The following KCNT1 variants were observed in gnomAD, a reference collection of about 807,000 sequenced individuals.
KCNT1 encodes potassium channel subfamily T member 1.
A neutral mutation model predicts 147.8 loss-of-function variants in KCNT1; 78 were observed. The ratio of observed to expected loss-of-function variants is 0.53; its 90% CI spans 0.44 to 0.64. The LOEUF (loss-of-function observed/expected upper bound fraction) is 0.64, where lower values mean the gene tolerates loss of function less well. Ranked by LOEUF, KCNT1 falls within the 30% of genes least tolerant of loss-of-function variation. KCNT1 has a pLI of 0.00. For missense variants in KCNT1, 1,419 were observed against 1,750.3 expected (o/e 0.81, Z 3.38); for synonymous variants, 867 against 748.8 (o/e 1.16, Z -2.58).
In KCNT1 at chr9:135,784,803, C is replaced by T. The variant is rs554853844; in HGVS notation, c.3070C>T (p.Arg1024Cys). The T allele has an allele frequency of 1.7e-5, 27 of 1,612,802 alleles. No homozygotes were observed. Among genetic ancestry groups the T allele is most frequent in the African/African-American group, 5.3e-5 (4 of 75,032 alleles). The change falls in exon 27 of 31, where the codon CGC becomes TGC. Residue 1024 changes from arginine to cysteine, a missense_variant. Arg to Cys is a radical substitution (Grantham distance 180). This residue lies in a region of KCNT1 where 247 missense variants were observed against 397.1 expected (regional missense o/e 0.62). Transcript: ENST00000371757. ...CGACCTGTGGATCCGCACGTACGGC[C>T]GCCTCTTCCAGAAGCTCTGCTCCTC... Reference protein sequence around the residue: ...EGDLWIRTYGRLFQKLCSSSA... With the variant: ...EGDLWIRTYGCLFQKLCSSSA...
At chr9:135,720,188 A>G (rs912295825) in intron 2 of KCNT1, among the ~76,000 whole-genome samples, 1 of 151,862 alleles carries the variant, frequency 6.6e-6, no homozygotes, top group Non-Finnish European at 1.5e-5. Context: ...CACCCCTTCC[A>G]TTCACCCGAC....
intron 13 of KCNT1, among the ~76,000 whole-genome samples, chr9:135,767,143 T>C (rs1179731319): frequency 6.6e-6 from 1 of 152,140 alleles, no homozygotes; most frequent in African/African-American, 2.4e-5. Flanking sequence ...GGGTCTCTCC[T>C]CATCACTCCC....
intron 22 of KCNT1, 35 bp downstream of exon 22, chr9:135,778,530 C>T: frequency 6.2e-7 from 1 of 1,601,340 alleles, no homozygotes; most frequent in Non-Finnish European, 8.5e-7. Context: ...GTGGGGGCTC[C>T]ACACCCACCC....
At chr9:135,733,718 G>A (rs2131367856) in intron 2 of KCNT1, among the ~76,000 whole-genome samples, 1 of 147,948 alleles carries the variant, frequency 6.8e-6, no homozygotes, top group Non-Finnish European at 1.5e-5. Context: ...CTAGTTTGGG[G>A]CTTCAGATCC....
intron 1 of KCNT1, among the ~76,000 whole-genome samples, chr9:135,707,612 CCT>C (rs1835309436): frequency 6.6e-6 from 1 of 152,124 alleles, no homozygotes. Flanking sequence ...GCCATCTGAC[CCT>C]GAGTGACCAG....
intron 11 of KCNT1, among the ~76,000 whole-genome samples, 154 bp from the exon 12 acceptor site, chr9:135,764,877 A>T (rs544959757): frequency 3.3e-5 from 5 of 152,076 alleles, no homozygotes; most frequent in African/African-American, 1.2e-4. Context: ...TACAGTTTCC[A>T]TGTGGGAAAG....
At chr9:135,715,081 G>A (rs1295990225) in intron 2 of KCNT1, among the ~76,000 whole-genome samples, 1 of 152,166 alleles carries the variant, frequency 6.6e-6, no homozygotes, top group African/African-American at 2.4e-5. Context: ...CCCCGGTGGC[G>A]GAGCCCGCAG....
intron 13 of KCNT1, among the ~76,000 whole-genome samples, chr9:135,767,378 T>TG (rs1289651007): frequency 2.0e-5 from 3 of 151,968 alleles, no homozygotes; most frequent in Non-Finnish European, 2.9e-5. Context: ...GCCAGTGATG[T>TG]GGTGGGGTTC....
At chr9:135,769,865 C>T (rs1011780945) in intron 15 of KCNT1, 82 bp from the exon 16 acceptor site, 5 of 1,024,722 alleles carry the variant, frequency 4.9e-6, no homozygotes, top group Non-Finnish European at 7.4e-6. Flanking sequence ...CTGCATAGCA[C>T]CTTCAGGAAG....
intron 2 of KCNT1, among the ~76,000 whole-genome samples, chr9:135,720,820 G>A (rs769991172): frequency 2.6e-5 from 4 of 152,200 alleles, no homozygotes; most frequent in Admixed American, 6.5e-5. Context: ...GCTCTCCTTC[G>A]GGGGTGCTCT....
intron 2 of KCNT1, chr9:135,742,694 T>C (rs1830627529): frequency 4.2e-6 from 3 of 715,526 alleles, no homozygotes; most frequent in Non-Finnish European, 7.8e-6. Context: ...TCTCCATCCG[T>C]CCGTCTATCT....
intron 2 of KCNT1, among the ~76,000 whole-genome samples, chr9:135,721,037 C>T (rs1388055216): frequency 1.3e-5 from 2 of 152,154 alleles, no homozygotes; most frequent in African/African-American, 2.4e-5. Context: ...GTTTAGGGGC[C>T]GTGAAGGTTC....
intron 1 of KCNT1, among the ~76,000 whole-genome samples, chr9:135,711,314 G>A (rs1400884144): frequency 1.3e-5 from 2 of 152,122 alleles, no homozygotes; most frequent in Non-Finnish European, 2.9e-5. Context: ...GGGGGAGTGA[G>A]AAGCAGGCAC....
chr9:135,753,100 G>GAGTGGATGGATGGAGGAATT, intron 4 of KCNT1, among the ~76,000 whole-genome samples: 1 of 151,996 alleles, frequency 6.6e-6, no homozygotes, highest in African/African-American at 2.4e-5. Flanking sequence ...ATGGAGGAAT[G>GAGTGGATGGATGGAGGAATT]AGTGGATGGA....
chr9:135,734,908 C>T (rs544564218), intron 2 of KCNT1, among the ~76,000 whole-genome samples: 2 of 152,274 alleles, frequency 1.3e-5, no homozygotes, highest in Admixed American at 1.3e-4. Flanking sequence ...GGTGAAGGGC[C>T]CTGCAGGCGG....
chr9:135,759,418 C>T (rs1424430451), intron 10 of KCNT1, among the ~76,000 whole-genome samples: 3 of 152,182 alleles, frequency 2.0e-5, no homozygotes, highest in East Asian at 1.9e-4. Context: ...GGGAATTCGC[C>T]GTGAACAGAG....
Position 135,757,324 on chromosome 9 carries a change from GT to G in KCNT1, c.704del (p.Phe235SerfsTer6), listed in dbSNP as rs1187172120. On this transcript the variant is annotated frameshift_variant, in exon 9 of 31. Transcript: ENST00000371757. LOFTEE classifies it high-confidence loss of function. ...TCTTCTGGCCGCCGCTGCGGAACCT[GT>G]TCATCCCCGTCTTTCTGAACTGCTG... is the stretch of plus-strand genomic sequence containing the variant. ...TIFWPPLRNL[F>X]IPVFLNCWLA... 5.6e-6 allele frequency: 9 copies of G among 1,611,780 alleles called. No individual in the cohort carries two copies. The highest frequency in any genetic ancestry group is 6.8e-6 in the Non-Finnish European group (8 of 1,179,994).
In KCNT1 at chr9:135,768,001, G is replaced by A. The variant is rs73557231; in HGVS notation, c.1338-609G>A. Reference sequence around the variant, plus strand: ...CAGCCTGCACACACTCGGGGGACAGGTGTGGCTCCTGACCCCTGCCCCCAC... The same window carrying A: ...CAGCCTGCACACACTCGGGGGACAGATGTGGCTCCTGACCCCTGCCCCCAC... On this transcript the variant is annotated intron_variant, in intron 13 of 30. Coordinates refer to ENST00000371757, the MANE Select transcript of KCNT1 (RefSeq NM_020822.3). 6.5e-3 allele frequency among the ~76,000 whole-genome samples: 981 copies of A among 150,452 alleles called. 10 individuals carry two copies. The highest frequency in any genetic ancestry group is 0.022 in the African/African-American group (920 of 40,994).
Position 135,738,400 on chromosome 9 carries a change from C to T in KCNT1, c.255-11698C>T, listed in dbSNP as rs548597269. 1.9e-3 allele frequency among the ~76,000 whole-genome samples: 289 copies of T among 152,330 alleles called. 2 individuals carry two copies. Among genetic ancestry groups the T allele is most frequent in the Non-Finnish European group, 2.3e-3 (158 of 68,016 alleles). Reference sequence around the variant, plus strand: ...CTCGCGCTGAGATGAGTAGGGCAGGCTCCTGAGCAGAGGACTTGGTAGGTT... The same window carrying T: ...CTCGCGCTGAGATGAGTAGGGCAGGTTCCTGAGCAGAGGACTTGGTAGGTT... On this transcript the variant is annotated intron_variant, in intron 2 of 30. Transcript: ENST00000371757.
Sources: gnomAD v4.1 joint callset for allele counts (sites outside exome capture counted in the v4.1 genomes callset) on GRCh38, gnomAD v4.1.1 for gene constraint, gnomAD v4.1.1 regional missense constraint, MANE v1.5 for transcripts, NCBI Gene and HGNC (gene_info 2026-07-23, HGNC 2026-07-21) for gene names.